CDH13: variants seen among roughly 807,000 people sequenced by gnomAD.
The protein encoded by CDH13 is cadherin 13.
In CDH13, 24 loss-of-function variants were observed where a neutral mutation model predicts 63.8. The observed-to-expected ratio is 0.38, with a 90% confidence interval of 0.27 to 0.53. The LOEUF is 0.53. Among genes scored for constraint, CDH13 ranks in the 20% least tolerant of loss-of-function variants. The pLI is 0.85. For synonymous variants in CDH13, 503 were observed against 355.3 expected (o/e 1.42, Z -4.67); for missense variants, 1,049 against 903.1 (o/e 1.16, Z -2.07).
intron 2 of CDH13, among the ~76,000 whole-genome samples, chr16:82,896,276 A>ATTGTTTTTTTTT (rs2041253748): frequency 2.3e-5 from 2 of 87,816 alleles, no homozygotes; most frequent in African/African-American, 4.3e-5. Context: ...TAGGATTAGG[A>ATTGTTTTTTTTT]TTTTTTTTTT....
intron 1 of CDH13, among the ~76,000 whole-genome samples, chr16:82,645,110 C>T (rs889357023): frequency 6.6e-6 from 1 of 152,102 alleles, no homozygotes; most frequent in Non-Finnish European, 1.5e-5. Flanking sequence ...CACTAACTCA[C>T]AGATCACACT....
intron 2 of CDH13, among the ~76,000 whole-genome samples, chr16:82,872,609 T>C (rs899378859): frequency 1.3e-5 from 2 of 152,240 alleles, no homozygotes; most frequent in Non-Finnish European, 2.9e-5. Flanking sequence ...ATTCTAGTAA[T>C]AGAGGTGCCC....
At chr16:82,637,398 C>T (rs1341840026) in intron 1 of CDH13, among the ~76,000 whole-genome samples, 1 of 146,204 alleles carries the variant, frequency 6.8e-6, no homozygotes, top group Non-Finnish European at 1.5e-5. Context: ...ACTTTATCCT[C>T]AGAAGCTGAG....
rs758706551 is a variant in CDH13, at chr16:83,783,424, C to A, written c.2086C>A (p.Arg696Ser). 2.5e-6 allele frequency: 4 copies of A among 1,613,878 alleles called. No homozygotes were observed. The highest frequency in any genetic ancestry group is 3.4e-6 in the Non-Finnish European group (4 of 1,179,878). ...GGACTGCAACGCGGCAGGGGCCCTGCGCTTCAGCCTGCCCTCAGTCCTGCT... is the reference window on the plus strand; with the variant it reads ...GGACTGCAACGCGGCAGGGGCCCTGAGCTTCAGCCTGCCCTCAGTCCTGCT... ...KVDCNAAGAL[R>S]FSLPSVLLLS... The change falls in exon 13 of 14, where the codon CGC (arginine) becomes AGC (serine). Residue 696 changes from arginine (R) to serine (S), a missense_variant. Coordinates refer to ENST00000567109, the MANE Select transcript of CDH13 (RefSeq NM_001257.5).
In CDH13 at chr16:83,781,663, T is replaced by C. The variant is rs931930405; in HGVS notation, c.1915+1462T>C. On this transcript the variant is annotated intron_variant, in intron 12 of 13. Coordinates refer to ENST00000567109, the MANE Select transcript of CDH13 (RefSeq NM_001257.5). ...TTTAATTAAAACAGACCTTCTCTTGTTTGAGGGGTTAGTGTTTTATTTGCT... is the reference window on the plus strand; with the variant it reads ...TTTAATTAAAACAGACCTTCTCTTGCTTGAGGGGTTAGTGTTTTATTTGCT... Among the ~76,000 whole-genome samples, 4 of 152,128 alleles carry C rather than the reference T, an allele frequency of 2.6e-5. No homozygotes were observed. In the South Asian group the frequency reaches 8.3e-4, roughly 32 times the overall value.
chr16:82,964,881 C>G (rs943118043), intron 2 of CDH13, among the ~76,000 whole-genome samples: 2 of 152,118 alleles, frequency 1.3e-5, no homozygotes, highest in African/African-American at 4.8e-5. Context: ...GTGGCACTAA[C>G]TTTTAGTGAA....
At chr16:83,354,938 G>C (rs1653001094) in intron 6 of CDH13, among the ~76,000 whole-genome samples, 2 of 152,222 alleles carry the variant, frequency 1.3e-5, no homozygotes, top group African/African-American at 4.8e-5. Context: ...GAATTGGGTA[G>C]CGGGGACACA....
chr16:82,645,959 G>A (rs990208024), intron 1 of CDH13, among the ~76,000 whole-genome samples: 4 of 152,164 alleles, frequency 2.6e-5, no homozygotes, highest in African/African-American at 9.7e-5. Flanking sequence ...AAACTTTTGG[G>A]GGTTATCTGT....
intron 4 of CDH13, among the ~76,000 whole-genome samples, chr16:83,151,553 C>G (rs972380212): frequency 1.3e-5 from 2 of 152,038 alleles, no homozygotes; most frequent in Admixed American, 6.6e-5. Context: ...TGGATTTGGA[C>G]AAGAAGTTCT....
chr16:82,688,445 G>A (rs1915305375), intron 1 of CDH13, among the ~76,000 whole-genome samples: 2 of 152,204 alleles, frequency 1.3e-5, no homozygotes, highest in Non-Finnish European at 2.9e-5. Flanking sequence ...AAGCTCACAA[G>A]TTCAGCCCTG....
chr16:82,802,498 A>G (rs951744934), intron 1 of CDH13, among the ~76,000 whole-genome samples: 7 of 152,162 alleles, frequency 4.6e-5, no homozygotes, highest in East Asian at 3.9e-4. Flanking sequence ...GTGGTGCTCT[A>G]TCAGGGACAG....
chr16:83,551,923 G>A (rs1598276601), intron 7 of CDH13, among the ~76,000 whole-genome samples: 1 of 152,224 alleles, frequency 6.6e-6, no homozygotes, highest in Non-Finnish European at 1.5e-5. Flanking sequence ...TGAATGGATG[G>A]ATGGATGGAT....
At chr16:83,653,438 C>T (rs1352549983) in intron 8 of CDH13, among the ~76,000 whole-genome samples, 1 of 60,142 alleles carries the variant, frequency 1.7e-5, no homozygotes, top group Non-Finnish European at 3.7e-5. Flanking sequence ...TGAAAAATCA[C>T]AAGCTGTTTT....
At chr16:83,069,299 G>T (rs1314523684) in intron 3 of CDH13, among the ~76,000 whole-genome samples, 4 of 152,090 alleles carry the variant, frequency 2.6e-5, no homozygotes, top group African/African-American at 7.2e-5. Context: ...TGGAACTGTG[G>T]CACTCTTTAG....
chr16:82,921,985 A>G (rs187459661), intron 2 of CDH13, among the ~76,000 whole-genome samples: 1 of 152,168 alleles, frequency 6.6e-6, no homozygotes, highest in African/African-American at 2.4e-5. Context: ...TTCTTGAACC[A>G]GTTTGGTAAT....
chr16:83,326,157 A>G (rs779381584), intron 5 of CDH13, among the ~76,000 whole-genome samples: 2 of 152,164 alleles, frequency 1.3e-5, no homozygotes, highest in African/African-American at 4.8e-5. Flanking sequence ...TCTTTTATTC[A>G]TCTTTCCAGA....
At chr16:82,944,600 G>A (rs1904487451) in intron 2 of CDH13, among the ~76,000 whole-genome samples, 1 of 152,094 alleles carries the variant, frequency 6.6e-6, no homozygotes, top group African/African-American at 2.4e-5. Context: ...CAGGGGTGGT[G>A]TTAACATCCT....
At chr16:82,794,069 G>A (rs1052654848) in intron 1 of CDH13, among the ~76,000 whole-genome samples, 5 of 152,176 alleles carry the variant, frequency 3.3e-5, no homozygotes, top group Non-Finnish European at 5.9e-5. Flanking sequence ...CCAATCCGAG[G>A]CCCGTGGGTC....
At chr16:82,859,732 C>G (rs1368810446) in intron 2 of CDH13, 1 of 124,356 alleles carries the variant, frequency 8.0e-6, no homozygotes, top group Non-Finnish European at 1.7e-5. Context: ...AAAGGAAAGA[C>G]AAGAAAAAAA....
Sources: allele counts gnomAD v4.1 joint callset (sites outside exome capture counted in the v4.1 genomes callset), GRCh38; gene constraint gnomAD v4.1.1; transcripts MANE v1.5; gene names NCBI Gene and HGNC (gene_info 2026-07-23, HGNC 2026-07-21).